The following MACROD2 variants were observed in gnomAD, a reference collection of about 807,000 sequenced individuals.
The protein encoded by MACROD2 is ADP-ribose glycohydrolase MACROD2.
Under a neutral mutation model 70.4 loss-of-function variants are expected in MACROD2, and 36 were observed. That is an observed-to-expected ratio of 0.51 (90% CI 0.39 to 0.68). The LOEUF is 0.68. Among genes scored for constraint, MACROD2 ranks in the 30% least tolerant of loss-of-function variants. MACROD2 has a pLI of 0.00. For missense variants in MACROD2, 496 were observed against 538.4 expected, an observed-to-expected ratio of 0.92 and a Z score of 0.78; for synonymous variants, 172 against 178.8, an observed-to-expected ratio of 0.96 and a Z score of 0.30.
chr20:14,854,317 T>A (rs1007330564), intron 5 of MACROD2, among the ~76,000 whole-genome samples: 9 of 152,170 alleles, frequency 5.9e-5, no homozygotes, highest in Non-Finnish European at 8.8e-5. Context: ...TGCTTGTTCT[T>A]GAATTTGCTT....
chr20:14,342,846 G>A (rs1455387266), intron 3 of MACROD2, among the ~76,000 whole-genome samples: 1 of 151,998 alleles, frequency 6.6e-6, no homozygotes, highest in Admixed American at 6.6e-5. Flanking sequence ...AGATATCAAA[G>A]CAAAATCAGA....
intron 8 of MACROD2, among the ~76,000 whole-genome samples, chr20:15,814,478 T>C (rs1345670145): frequency 6.6e-6 from 1 of 152,196 alleles, no homozygotes; most frequent in Non-Finnish European, 1.5e-5. Context: ...TGACCCATTG[T>C]AGTAGCTGGC....
intron 5 of MACROD2, among the ~76,000 whole-genome samples, chr20:14,816,168 G>C (rs1308072605): frequency 1.3e-5 from 2 of 152,006 alleles, no homozygotes; most frequent in East Asian, 3.9e-4. Context: ...GGAAAGATAA[G>C]ATGGTAGGTT....
At chr20:14,773,223 C>T (rs1260423762) in intron 5 of MACROD2, among the ~76,000 whole-genome samples, 4 of 151,956 alleles carry the variant, frequency 2.6e-5, no homozygotes, top group African/African-American at 9.7e-5. Flanking sequence ...AATCAGGTTT[C>T]CCTTAAAAGA....
chr20:14,503,328 A>G (rs898065184), intron 4 of MACROD2, among the ~76,000 whole-genome samples: 3 of 152,158 alleles, frequency 2.0e-5, no homozygotes, highest in Admixed American at 6.5e-5. Flanking sequence ...CTGAGTTTAA[A>G]TGGCAGCAGG....
chr20:14,854,175 A>T (rs2073228729), intron 5 of MACROD2, among the ~76,000 whole-genome samples: 2 of 152,186 alleles, frequency 1.3e-5, no homozygotes, highest in South Asian at 4.1e-4. Flanking sequence ...GCTTTCTAGC[A>T]CATCCATCTT....
intron 15 of MACROD2, among the ~76,000 whole-genome samples, chr20:16,027,809 G>A (rs896120123): frequency 6.6e-6 from 1 of 152,166 alleles, no homozygotes; most frequent in Non-Finnish European, 1.5e-5. Flanking sequence ...ATGGGGTGGA[G>A]GGGAGTGTTA....
At position 14,066,329 on chromosome 20, in the gene MACROD2, C is replaced by T. The variant is rs147868020; in HGVS notation, c.164-19292C>T. Among the ~76,000 whole-genome samples the T allele has an allele frequency of 6.6e-3, 1,003 of 152,270 alleles. 13 individuals carry two copies. Among genetic ancestry groups the T allele is most frequent in the Non-Finnish European group, 8.0e-3 (542 of 68,016 alleles). On this transcript the variant is annotated intron_variant, in intron 2 of 17. Coordinates refer to ENST00000684519, the MANE Select transcript of MACROD2 (RefSeq NM_001351661.2). ...GGGCATTTACTATATATCTTATTCT[C>T]TGCTAGACCCTGTAAAATCTTGGTA...
At chr20:15,966,790 A>G (rs988673442) in intron 12 of MACROD2, among the ~76,000 whole-genome samples, 1 of 152,132 alleles carries the variant, frequency 6.6e-6, no homozygotes, top group Non-Finnish European at 1.5e-5. Flanking sequence ...TGGAAAATGA[A>G]TGAGACCTAC....
rs148072032 is a variant in MACROD2 at position 15,726,500 on chromosome 20, T to C, written c.646-136245T>C. Among the ~76,000 whole-genome samples the C allele has an allele frequency of 2.3e-3, 357 of 152,282 alleles. 2 individuals are homozygous for C. The highest frequency in any genetic ancestry group is 7.7e-3 in the African/African-American group (320 of 41,578). On this transcript the variant is annotated intron_variant, in intron 8 of 17. Coordinates refer to ENST00000684519, the MANE Select transcript of MACROD2 (RefSeq NM_001351661.2). ...TTCTGTTTTGAGTTCTTTCAGAAAT[T>C]GCCACACTACTGTGCACGGTGGCTC...
At chr20:15,626,485 TA>T (rs1386461715) in intron 8 of MACROD2, among the ~76,000 whole-genome samples, 2 of 152,328 alleles carry the variant, frequency 1.3e-5, no homozygotes, top group Non-Finnish European at 1.5e-5. Context: ...ATTCAACAAA[TA>T]TTTATTAAAT....
chr20:15,509,108 T>A (rs1388187888), intron 8 of MACROD2, among the ~76,000 whole-genome samples: 1 of 152,216 alleles, frequency 6.6e-6, no homozygotes, highest in African/African-American at 2.4e-5. Flanking sequence ...GTTGAACCAC[T>A]GTTTATGATG....
intron 4 of MACROD2, among the ~76,000 whole-genome samples, chr20:14,640,952 G>A (rs773808097): frequency 6.6e-6 from 1 of 152,084 alleles, no homozygotes; most frequent in Non-Finnish European, 1.5e-5. Flanking sequence ...AAGAAAACAA[G>A]TTTGACACAT....
intron 4 of MACROD2, among the ~76,000 whole-genome samples, chr20:14,633,021 G>C (rs1206527582): frequency 6.6e-6 from 1 of 152,212 alleles, no homozygotes; most frequent in African/African-American, 2.4e-5. Context: ...TCAGTGTCGC[G>C]GTGTGGAAGT....
At chr20:14,376,763 TAATA>T (rs1209435329) in intron 3 of MACROD2, among the ~76,000 whole-genome samples, 2 of 75,132 alleles carry the variant, frequency 2.7e-5, no homozygotes, top group African/African-American at 5.2e-5. Flanking sequence ...ATAATAATAA[TAATA>T]ATAATAATAA....
intron 7 of MACROD2, among the ~76,000 whole-genome samples, chr20:15,470,792 C>T (rs1384889128): frequency 6.6e-6 from 1 of 152,170 alleles, no homozygotes; most frequent in Non-Finnish European, 1.5e-5. Context: ...CTATTTCAGC[C>T]GCCATCCCAG....
intron 5 of MACROD2, among the ~76,000 whole-genome samples, chr20:14,811,694 T>A (rs1212739632): frequency 6.6e-6 from 1 of 152,006 alleles, no homozygotes; most frequent in Non-Finnish European, 1.5e-5. Flanking sequence ...GACAAAGGGC[T>A]AATATCCAGA....
chr20:15,514,614 G>A (rs1039419522), intron 8 of MACROD2, among the ~76,000 whole-genome samples: 6 of 152,076 alleles, frequency 3.9e-5, no homozygotes, highest in South Asian at 2.1e-4. Flanking sequence ...CACATTTCTC[G>A]GAATGTATTC....
intron 5 of MACROD2, among the ~76,000 whole-genome samples, chr20:15,211,793 A>G (rs1474761728): frequency 6.6e-6 from 1 of 152,170 alleles, no homozygotes; most frequent in Non-Finnish European, 1.5e-5. Flanking sequence ...GTGTTCCTTT[A>G]TAGCAATGCA....
Sources: gnomAD v4.1 joint callset for allele counts (sites outside exome capture counted in the v4.1 genomes callset) on GRCh38, gnomAD v4.1.1 for gene constraint, MANE v1.5 for transcripts, NCBI Gene and HGNC (gene_info 2026-07-23, HGNC 2026-07-21) for gene names.